Variants in ZNF407 observed in about 807,000 individuals in gnomAD.
The protein encoded by ZNF407 is zinc finger protein 407.
ZNF407 carries 17 observed loss-of-function variants against 131.2 expected under a neutral mutation model. That is an observed-to-expected ratio of 0.13 (90% CI 0.09 to 0.19). The LOEUF is 0.19. ZNF407 is among the 10% of genes least tolerant of loss of function. The pLI, the probability that ZNF407 is intolerant of heterozygous loss-of-function variation, is 1.00. For missense variants in ZNF407, 2,681 were observed against 2,830.6 expected (o/e 0.95, Z 1.20); for synonymous variants, 1,156 against 1,062.0 (o/e 1.09, Z -1.72).
intron 8 of ZNF407, among the ~76,000 whole-genome samples, chr18:74,960,877 G>C (rs1239313014): frequency 6.7e-6 from 1 of 149,574 alleles, no homozygotes; most frequent in Non-Finnish European, 1.5e-5. Flanking sequence ...GTCAGTGCTG[G>C]GTGGAGGGAT....
At chr18:74,819,580 G>A (rs1321893980) in intron 4 of ZNF407, among the ~76,000 whole-genome samples, 4 of 152,202 alleles carry the variant, frequency 2.6e-5, no homozygotes, top group African/African-American at 9.6e-5. Flanking sequence ...ACAGGAGGCA[G>A]AGCCCAGGGA....
At position 74,633,164 on chromosome 18, in the gene ZNF407, A is replaced by G; in HGVS notation, c.2145A>G (p.Arg715=). 1 of 1,613,280 alleles carries G rather than the reference A, an allele frequency of 6.2e-7. No homozygotes were observed. Among genetic ancestry groups the G allele is most frequent in the Non-Finnish European group, 8.5e-7 (1 of 1,179,676 alleles). ...GTAAGAAGTGTTTTTATAAAACAAGATCTTCTACTGTTCTCACGAGACATA... is the reference window on the plus strand; with the variant it reads ...GTAAGAAGTGTTTTTATAAAACAAGGTCTTCTACTGTTCTCACGAGACATA... The part of the protein sequence containing the change: ...FQCKKCFYKT[R]SSTVLTRHIK... Residue 715 remains arginine, a synonymous_variant, in exon 2 of 9, where the codon AGA becomes AGG. Transcript: ENST00000299687.
chr18:75,009,676 A>G (rs1972951312), intron 8 of ZNF407, among the ~76,000 whole-genome samples: 1 of 152,182 alleles, frequency 6.6e-6, no homozygotes, highest in African/African-American at 2.4e-5. Flanking sequence ...ATTCTTCATA[A>G]TGGCTCCTGT....
intron 8 of ZNF407, among the ~76,000 whole-genome samples, chr18:74,951,754 G>A (rs1049971327): frequency 2.0e-5 from 3 of 151,708 alleles, no homozygotes; most frequent in Admixed American, 6.6e-5. Context: ...TTTTTTATGG[G>A]TATTAATTTT....
chr18:74,858,945 T>C (rs1341954626), intron 4 of ZNF407, among the ~76,000 whole-genome samples: 1 of 152,028 alleles, frequency 6.6e-6, no homozygotes, highest in Non-Finnish European at 1.5e-5. Flanking sequence ...TTTCCTTATC[T>C]GAGCAACAAG....
intron 8 of ZNF407, among the ~76,000 whole-genome samples, chr18:74,980,353 G>A (rs1056593471): frequency 6.6e-6 from 1 of 151,646 alleles, no homozygotes; most frequent in Non-Finnish European, 1.5e-5. Context: ...TGTGGCCCAG[G>A]CTGGAGTGCA....
intron 8 of ZNF407, among the ~76,000 whole-genome samples, chr18:74,955,831 A>G (rs763816853): frequency 2.6e-5 from 4 of 152,152 alleles, no homozygotes; most frequent in Non-Finnish European, 5.9e-5. Flanking sequence ...TCGGCCAGCC[A>G]TCCTCTCTCC....
chr18:74,817,108 A>G (rs928910447), intron 4 of ZNF407, among the ~76,000 whole-genome samples: 3 of 152,200 alleles, frequency 2.0e-5, no homozygotes, highest in Non-Finnish European at 2.9e-5. Context: ...TAGCTGATAC[A>G]ATGCCAGTTT....
intron 1 of ZNF407, among the ~76,000 whole-genome samples, chr18:74,613,895 C>T (rs1339430172): frequency 6.6e-6 from 1 of 152,114 alleles, no homozygotes; most frequent in African/African-American, 2.4e-5. Flanking sequence ...TGGAGTAATG[C>T]CAGTCTAACC....
intron 4 of ZNF407, among the ~76,000 whole-genome samples, chr18:74,820,470 A>G (rs1383879727): frequency 1.3e-5 from 2 of 152,206 alleles, no homozygotes; most frequent in South Asian, 2.1e-4. Flanking sequence ...AGGGCCTGCA[A>G]ACTGGTTCAG....
At chr18:74,918,893 A>G (rs1458864001) in intron 7 of ZNF407, among the ~76,000 whole-genome samples, 1 of 152,170 alleles carries the variant, frequency 6.6e-6, no homozygotes, top group Non-Finnish European at 1.5e-5. Context: ...CAGTTTAATT[A>G]TACTGAGCAG....
At chr18:74,709,684 T>A (rs1333891964) in intron 3 of ZNF407, among the ~76,000 whole-genome samples, 1 of 152,232 alleles carries the variant, frequency 6.6e-6, no homozygotes, top group African/African-American at 2.4e-5. Flanking sequence ...AATGACCCAA[T>A]ACAGTTCAGT....
intron 4 of ZNF407, among the ~76,000 whole-genome samples, chr18:74,828,351 C>T (rs376549272): frequency 1.6e-4 from 25 of 152,266 alleles, no homozygotes; most frequent in African/African-American, 5.3e-4. Flanking sequence ...CTTTCACTGC[C>T]GGGCTTTTTC....
chr18:74,676,656 G>C (rs570948540), intron 3 of ZNF407, among the ~76,000 whole-genome samples: 181 of 151,878 alleles, frequency 1.2e-3, no homozygotes, highest in Admixed American at 2.9e-3. Context: ...GGATGGTCTC[G>C]ATCTCCTGAC....
At chr18:74,875,525 G>C (rs943621178) in intron 4 of ZNF407, among the ~76,000 whole-genome samples, 3 of 152,136 alleles carry the variant, frequency 2.0e-5, no homozygotes, top group Admixed American at 6.5e-5. Flanking sequence ...TTTCTTGTAG[G>C]AGAAGGTTAG....
intron 4 of ZNF407, among the ~76,000 whole-genome samples, chr18:74,853,869 G>T (rs570577207): frequency 1.3e-5 from 2 of 152,248 alleles, no homozygotes; most frequent in African/African-American, 4.8e-5. Context: ...GACCAGGAGG[G>T]GATGCGAGCG....
intron 8 of ZNF407, among the ~76,000 whole-genome samples, chr18:75,043,155 C>T (rs946493204): frequency 1.3e-5 from 2 of 152,202 alleles, no homozygotes; most frequent in African/African-American, 4.8e-5. Flanking sequence ...GCTCCAGGTG[C>T]TCCGCGTCCT....
chr18:74,611,115 T>G (rs1983040788), intron 1 of ZNF407, among the ~76,000 whole-genome samples: 1 of 152,184 alleles, frequency 6.6e-6, no homozygotes, highest in Non-Finnish European at 1.5e-5. Flanking sequence ...TTAATTCACA[T>G]TACTCACAAA....
intron 1 of ZNF407, among the ~76,000 whole-genome samples, chr18:74,602,216 A>T (rs1055195252): frequency 4.6e-5 from 7 of 152,208 alleles, no homozygotes; most frequent in Admixed American, 4.6e-4. Flanking sequence ...GTAGGAGTGT[A>T]AAGGAATTAC....
Sources: gnomAD v4.1 joint callset for allele counts (sites outside exome capture counted in the v4.1 genomes callset) on GRCh38, gnomAD v4.1.1 for gene constraint, MANE v1.5 for transcripts, NCBI Gene and HGNC (gene_info 2026-07-23, HGNC 2026-07-21) for gene names.